NCR1: variants seen among roughly 807,000 people sequenced by gnomAD.
The protein encoded by NCR1 is natural cytotoxicity triggering receptor 1, also known as NK cell-activating receptor.
Under a neutral mutation model 32.5 loss-of-function variants are expected in NCR1, and 30 were observed. That is an observed-to-expected ratio of 0.92 (90% CI 0.69 to 1.25). The LOEUF (loss-of-function observed/expected upper bound fraction) is 1.25, where lower values mean the gene tolerates loss of function less well. Ranked by LOEUF, NCR1 falls within the 50% of genes most tolerant of loss-of-function variation. The probability of loss-of-function intolerance (pLI) is 0.00; values close to 1 mark genes in which losing one functional copy is unlikely to be tolerated. For synonymous variants in NCR1, 169 were observed against 143.4 expected, an observed-to-expected ratio of 1.18 and a Z score of -1.28; for missense variants, 369 against 380.7, an observed-to-expected ratio of 0.97 and a Z score of 0.26.
upstream of NCR1, among the ~76,000 whole-genome samples, chr19:54,901,862 G>A (rs1385495832): frequency 1.3e-5 from 2 of 152,172 alleles, no homozygotes; most frequent in Admixed American, 1.3e-4. Flanking sequence ...CAGCTACTCA[G>A]GAAGCTGAGG....
the NCR1 span, among the ~76,000 whole-genome samples, chr19:54,927,399 A>G: frequency 6.6e-6 from 1 of 151,826 alleles, no homozygotes; most frequent in East Asian, 1.9e-4. Context: ...AAAAAAGAAA[A>G]AGAAAAAAAT....
At chr19:54,922,803 C>T in the NCR1 span, among the ~76,000 whole-genome samples, 9 of 114,158 alleles carry the variant, frequency 7.9e-5, no homozygotes, top group Admixed American at 5.2e-4. Context: ...AAAAAAAAAA[C>T]GAAAGAACAG....
chr19:54,919,883 C>G (rs1016857625), downstream of NCR1, among the ~76,000 whole-genome samples: 4 of 152,210 alleles, frequency 2.6e-5, no homozygotes, highest in Admixed American at 6.5e-5. Flanking sequence ...CCGGGCATAA[C>G]AGAAGGCTCG....
downstream of NCR1, among the ~76,000 whole-genome samples, chr19:54,916,499 A>T: frequency 6.7e-6 from 1 of 149,940 alleles, no homozygotes. Context: ...TTGTATTTTT[A>T]GTAGAGACGG....
At position 54,906,218 on chromosome 19, in the gene NCR1, G is replaced by T; in HGVS notation, c.31G>T (p.Val11Phe). The stretch of plus-strand genomic sequence containing the variant: ...TTCCACACTCCCTGCCCTGCTCTGC[G>T]TCGGTGAGTTCTGGCGTGGAAGGGG... MSSTLPALLC[V>F]GLCLSQRISA... Residue 11 changes from valine to phenylalanine, a missense_variant, in exon 1 of 7, where the codon GTC becomes TTC. Val to Phe is a conservative substitution (Grantham distance 50). Coordinates refer to ENST00000291890, the MANE Select transcript of NCR1 (RefSeq NM_004829.7). The T allele has an allele frequency of 6.2e-7, 1 of 1,614,176 alleles. No homozygotes were observed. Among genetic ancestry groups the T allele is most frequent in the Non-Finnish European group, 8.5e-7 (1 of 1,180,042 alleles).
At chr19:54,911,408 A>G (rs2067972279) in intron 5 of NCR1, among the ~76,000 whole-genome samples, 1 of 150,034 alleles carries the variant, frequency 6.7e-6, no homozygotes, top group African/African-American at 2.4e-5. Context: ...GAATTTCACT[A>G]TGTGTGAGGA....
chr19:54,914,712 T>A (rs1003874577), downstream of NCR1, among the ~76,000 whole-genome samples: 12 of 151,048 alleles, frequency 7.9e-5, no homozygotes, highest in Admixed American at 7.3e-4. Flanking sequence ...CCTCCAAGAG[T>A]TTCCACAACT....
downstream of NCR1, among the ~76,000 whole-genome samples, chr19:54,919,292 G>T (rs1384550364): frequency 6.9e-6 from 1 of 145,294 alleles, no homozygotes; most frequent in South Asian, 2.2e-4. Flanking sequence ...TAGTGGCCCC[G>T]AATGTCTGGC....
chr19:54,900,197 G>A, the NCR1 span, among the ~76,000 whole-genome samples: 30 of 152,282 alleles, frequency 2.0e-4, no homozygotes, highest in South Asian at 1.5e-3. Context: ...ACTCACGTCC[G>A]TGTGAAGAGA....
rs752139592 is a variant in NCR1 at position 54,906,318 on chromosome 19, G to C, written c.54G>C (p.Arg18Ser). 6.2e-7 allele frequency: 1 copy of C among 1,613,992 alleles called. No homozygotes were observed. The highest frequency in any genetic ancestry group is 2.2e-5 in the East Asian group (1 of 44,880). The change falls in exon 2 of 7, where the codon AGG becomes AGC. Residue 18 changes from arginine to serine, a missense_variant. Coordinates refer to ENST00000291890, the MANE Select transcript of NCR1 (RefSeq NM_004829.7). ...LLCVGLCLSQ[R>S]ISAQQQTLPK... ...TTCCAGGGCTGTGTCTGAGTCAGAG[G>C]ATCAGCGCCCAGCAGCGTGAGTCCT...
downstream of NCR1, among the ~76,000 whole-genome samples, chr19:54,918,703 G>GT (rs2068182787): frequency 6.6e-6 from 1 of 151,980 alleles, no homozygotes; most frequent in African/African-American, 2.4e-5. Flanking sequence ...GCCAGGCACG[G>GT]TGGCGGTGGC....
upstream of NCR1, among the ~76,000 whole-genome samples, chr19:54,904,663 G>A (rs1414849473): frequency 6.6e-6 from 1 of 151,624 alleles, no homozygotes; most frequent in Non-Finnish European, 1.5e-5. Flanking sequence ...CTCCCGAGTA[G>A]TTGGGACTAC....
chr19:54,920,485 T>C (rs184325689), downstream of NCR1, among the ~76,000 whole-genome samples: 108 of 152,238 alleles, frequency 7.1e-4, no homozygotes, highest in African/African-American at 2.5e-3. Flanking sequence ...TTAAGGCTGG[T>C]CAGGCGCCGT....
chr19:54,934,581 G>T, the NCR1 span: 1 of 1,614,172 alleles, frequency 6.2e-7, no homozygotes, highest in Admixed American at 1.7e-5. The surrounding 1 kb of genome is among the most constrained non-coding windows in gnomAD (Gnocchi z 6.7). Context: ...AGAGACGCAG[G>T]TGCTTCAGGG....
the NCR1 span, among the ~76,000 whole-genome samples, chr19:54,926,916 TAAAA>T: frequency 1.5e-4 from 4 of 26,610 alleles, no homozygotes; most frequent in South Asian, 1.9e-3. Context: ...ACTCTGTCTT[TAAAA>T]AAAAAAAAAA....
upstream of NCR1, among the ~76,000 whole-genome samples, chr19:54,905,858 G>A (rs1186007975): frequency 1.3e-5 from 2 of 152,094 alleles, no homozygotes; most frequent in Non-Finnish European, 2.9e-5. Flanking sequence ...TTTCCTCTGG[G>A]CATGATTGGG....
At chr19:54,936,483 G>A in the NCR1 span, 15 of 1,432,368 alleles carry the variant, frequency 1.0e-5, no homozygotes, top group Non-Finnish European at 1.5e-5. Context: ...CTCACATTGT[G>A]TGGAGGCATG....
At chr19:54,912,634 A>G (rs974035004) in intron 6 of NCR1, 56 bp from the exon 7 acceptor site, 2 of 496,290 alleles carry the variant, frequency 4.0e-6, no homozygotes, top group Non-Finnish European at 3.3e-6. Flanking sequence ...AAAAAAAAAA[A>G]AAAAGAGGGT....
At chr19:54,933,966 G>A in the NCR1 span, among the ~76,000 whole-genome samples, 580 of 152,182 alleles carry the variant, frequency 3.8e-3, 1 homozygote, top group African/African-American at 0.013. Flanking sequence ...TTTTTGAGAC[G>A]GAGTCTCGCT....
Sources: gnomAD v4.1 joint callset for allele counts (sites outside exome capture counted in the v4.1 genomes callset) on GRCh38, gnomAD v4.1.1 for gene constraint, Gnocchi (gnomAD v3.1) non-coding constraint, MANE v1.5 for transcripts, NCBI Gene and HGNC (gene_info 2026-07-23, HGNC 2026-07-21) for gene names.